SLC35F2: variants seen among roughly 807,000 people sequenced by gnomAD.
SLC35F2 encodes queuine/queuosine transporter SLC35F2.
In SLC35F2, 25 loss-of-function variants were observed where a neutral mutation model predicts 38.1. That is an observed-to-expected ratio of 0.66 (90% confidence interval 0.48 to 0.92). The LOEUF is 0.92. SLC35F2 is among the 40% of genes least tolerant of loss of function. The pLI is 0.00. For missense variants in SLC35F2, 409 were observed against 452.9 expected (o/e 0.90, Z 0.88); for synonymous variants, 173 against 181.7 (o/e 0.95, Z 0.38).
At chr11:107,795,496 C>T (rs1417696985) in intron 7 of SLC35F2, among the ~76,000 whole-genome samples, 1 of 152,152 alleles carries the variant, frequency 6.6e-6, no homozygotes, top group Non-Finnish European at 1.5e-5. Flanking sequence ...AAAGTTTCTG[C>T]ACAGCAAAGA....
chr11:107,793,276 G>T (rs1272073715), intron 7 of SLC35F2, among the ~76,000 whole-genome samples: 2 of 152,204 alleles, frequency 1.3e-5, no homozygotes, highest in African/African-American at 2.4e-5. Flanking sequence ...ACCTTCCCAT[G>T]TATGCTGGTG....
intron 1 of SLC35F2, among the ~76,000 whole-genome samples, chr11:107,830,364 T>A (rs1859819226): frequency 1.3e-5 from 2 of 151,918 alleles, no homozygotes; most frequent in Non-Finnish European, 2.9e-5. Flanking sequence ...GGCGGGCAGA[T>A]CACGAGGTCA....
intron 1 of SLC35F2, among the ~76,000 whole-genome samples, chr11:107,833,901 G>C (rs1237482467): frequency 6.6e-6 from 1 of 152,200 alleles, no homozygotes; most frequent in Non-Finnish European, 1.5e-5. Context: ...GTTACAGAGA[G>C]ATAAACAATT....
At chr11:107,855,697 A>T (rs1049457079) in intron 1 of SLC35F2, among the ~76,000 whole-genome samples, 1 of 151,900 alleles carries the variant, frequency 6.6e-6, no homozygotes, top group African/African-American at 2.4e-5. Flanking sequence ...GAAAGGAAAA[A>T]GCCCTCAAAG....
intron 7 of SLC35F2, among the ~76,000 whole-genome samples, chr11:107,800,843 A>C (rs1317727796): frequency 6.6e-6 from 1 of 151,972 alleles, no homozygotes; most frequent in Non-Finnish European, 1.5e-5. Flanking sequence ...AGTATAATCC[A>C]AAATCCTTGA....
At chr11:107,795,728 C>G (rs1162204787) in intron 7 of SLC35F2, among the ~76,000 whole-genome samples, 1 of 152,190 alleles carries the variant, frequency 6.6e-6, no homozygotes, top group Non-Finnish European at 1.5e-5. Context: ...TTCAACATCA[C>G]TAATCATCAG....
chr11:107,813,533 C>A (rs538338531), intron 2 of SLC35F2, among the ~76,000 whole-genome samples: 5 of 152,276 alleles, frequency 3.3e-5, no homozygotes, highest in African/African-American at 1.2e-4. Context: ...GCATAGGAAG[C>A]ACCTAACAAC....
chr11:107,811,091 T>C (rs920213410), intron 3 of SLC35F2: 3 of 984,812 alleles, frequency 3.0e-6, no homozygotes. Flanking sequence ...AAACATCCCA[T>C]AGTTTGCTAA....
intron 1 of SLC35F2, among the ~76,000 whole-genome samples, chr11:107,853,600 G>A (rs1220186701): frequency 6.6e-6 from 1 of 151,360 alleles, no homozygotes; most frequent in East Asian, 2.0e-4. Flanking sequence ...GGCGCCTGTA[G>A]TCCCAGCTAC....
At chr11:107,831,725 C>A (rs1859845078) in intron 1 of SLC35F2, among the ~76,000 whole-genome samples, 1 of 152,166 alleles carries the variant, frequency 6.6e-6, no homozygotes, top group Admixed American at 6.6e-5. Flanking sequence ...AAAACTACCA[C>A]CTTTCTTTTC....
At chr11:107,804,543 G>A (rs1297071563) in intron 6 of SLC35F2, among the ~76,000 whole-genome samples, 175 bp downstream of exon 6, 1 of 152,184 alleles carries the variant, frequency 6.6e-6, no homozygotes, top group African/African-American at 2.4e-5. Context: ...TTTTATGGAA[G>A]CTTATCTACC....
At chr11:107,834,607 G>A (rs956958112) in intron 1 of SLC35F2, among the ~76,000 whole-genome samples, 8 of 152,048 alleles carry the variant, frequency 5.3e-5, no homozygotes, top group African/African-American at 1.7e-4. Context: ...CCGAGATCGC[G>A]CTATTGCACT....
chr11:107,792,586 G>A lies in SLC35F2; in HGVS notation c.*29C>T, dbSNP rs1225809010. ...AGGCAGCAGGCTCTGCTTTATCCTG[G>A]TGGGGGATGGGTGCGCCATCTTCTC... On this transcript the variant is annotated 3_prime_UTR_variant, in exon 8 of 8. Coordinates refer to ENST00000525815, the MANE Select transcript of SLC35F2 (RefSeq NM_017515.5). 9.5e-6 allele frequency: 15 copies of A among 1,576,020 alleles called. No homozygotes were observed. The highest frequency in any genetic ancestry group is 1.2e-5 in the Non-Finnish European group (14 of 1,162,596).
intron 1 of SLC35F2, among the ~76,000 whole-genome samples, chr11:107,855,651 TA>T (rs879789945): frequency 1.4e-3 from 180 of 133,210 alleles, no homozygotes; most frequent in Middle Eastern, 4.0e-3. Flanking sequence ...AAACTCTGTC[TA>T]AAAAAAAAAA....
intron 7 of SLC35F2, among the ~76,000 whole-genome samples, chr11:107,800,211 T>C (rs1785241): frequency 0.99 from 150,309 of 152,070 alleles, 74,282 homozygotes; most frequent in East Asian, 1. Context: ...ATGATGTTAC[T>C]AGTAAGCTAT....
intron 1 of SLC35F2, among the ~76,000 whole-genome samples, chr11:107,839,810 C>T (rs903479021): frequency 2.0e-5 from 3 of 152,072 alleles, no homozygotes; most frequent in South Asian, 2.1e-4. Context: ...TGCGCCACCA[C>T]GCCTGGCTAA....
intron 1 of SLC35F2, among the ~76,000 whole-genome samples, chr11:107,835,444 T>TC (rs1859916445): frequency 6.6e-6 from 1 of 151,200 alleles, no homozygotes; most frequent in Non-Finnish European, 1.5e-5. Context: ...TTTTTTTTTT[T>TC]CCTTTTTTTG....
intron 1 of SLC35F2, among the ~76,000 whole-genome samples, chr11:107,829,418 C>CA (rs67129262): frequency 0.036 from 4,967 of 136,814 alleles, 251 homozygotes; most frequent in African/African-American, 0.12. Flanking sequence ...GACTACATCT[C>CA]AAAAAAAAAA....
intron 2 of SLC35F2, among the ~76,000 whole-genome samples, chr11:107,813,459 C>T (rs958673446): frequency 2.6e-5 from 4 of 151,966 alleles, no homozygotes; most frequent in South Asian, 2.1e-4. Context: ...AGCGAAACTC[C>T]GTCTCAGAAG....
Sources: allele counts gnomAD v4.1 joint callset (sites outside exome capture counted in the v4.1 genomes callset), GRCh38; gene constraint gnomAD v4.1.1; transcripts MANE v1.5; gene names NCBI Gene and HGNC (gene_info 2026-07-23, HGNC 2026-07-21).